Variants in TICRR observed in about 807,000 individuals in gnomAD.
The protein encoded by TICRR is treslin.
In TICRR, 132 loss-of-function variants were observed where a neutral mutation model predicts 178.1. That is an observed-to-expected ratio of 0.74 (90% CI 0.64 to 0.86). The LOEUF (loss-of-function observed/expected upper bound fraction) is 0.86, where lower values mean the gene tolerates loss of function less well. Ranked by LOEUF, TICRR falls within the 40% of genes least tolerant of loss-of-function variation. The pLI is 0.00. For synonymous variants in TICRR, 991 were observed against 900.7 expected (o/e 1.10, Z -1.79); for missense variants, 2,587 against 2,334.3 (o/e 1.11, Z -2.23).
chr15:89,585,883 A>G lies in TICRR; in HGVS notation c.1352A>G (p.Asp451Gly). ...CGGGACACAGCTTCCCTTTTCTCAG[A>G]TGTTGTGGATAGTATATTGAATCAG... Reference protein sequence around the residue: ...SPRDTASLFSDVVDSILNQTH... With the variant: ...SPRDTASLFSGVVDSILNQTH... Residue 451 changes from aspartate (D) to glycine (G), a missense_variant, in exon 4 of 22, where the codon GAT becomes GGT. Asp to Gly is a moderately conservative substitution (Grantham distance 94). Coordinates refer to ENST00000268138, the MANE Select transcript of TICRR (RefSeq NM_152259.4). 6.2e-7 allele frequency: 1 copy of G among 1,614,036 alleles called. No individual in the cohort carries two copies. The highest frequency in any genetic ancestry group is 1.6e-4 in the Middle Eastern group (1 of 6,062).
intron 3 of TICRR, 42 bp from the exon 4 acceptor site, chr15:89,585,666 A>G (rs1432288063): frequency 7.3e-7 from 1 of 1,360,944 alleles, no homozygotes. Context: ...CTTTAGGCAT[A>G]TTGACAATAA....
At chr15:89,626,832 C>A in intron 21 of TICRR, 124 bp from the exon 22 acceptor site, 2 of 1,064,136 alleles carry the variant, frequency 1.9e-6, no homozygotes, top group Non-Finnish European at 2.7e-6. Flanking sequence ...GATAAGCGAA[C>A]CTCCAAGCAG....
rs1002363966 is a variant in TICRR at position 89,601,335 on chromosome 15, C to G, written c.2191C>G (p.Leu731Val). The stretch of plus-strand genomic sequence containing the variant: ...GGTATTTCTTCGTTTGGAGATGTGT[C>G]TGCAATGCCCTTCAATAAATGAAAG... Reference protein sequence around the residue: ...LQVFLRLEMCLQCPSINESTD... With the variant: ...LQVFLRLEMCVQCPSINESTD... The change falls in exon 10 of 22, where the codon CTG (leucine) becomes GTG (valine). Residue 731 changes from leucine (L) to valine (V), a missense_variant. Transcript: ENST00000268138. 1 of 1,614,094 alleles carries G rather than the reference C, an allele frequency of 6.2e-7. No homozygotes were observed.
At chr15:89,580,733 G>C (rs1027356818) in intron 1 of TICRR, among the ~76,000 whole-genome samples, 7 of 152,098 alleles carry the variant, frequency 4.6e-5, no homozygotes, top group Admixed American at 4.6e-4. Context: ...GTCATGATCC[G>C]AATTTTAAAA....
At chr15:89,616,585 A>G (rs1408647588) in intron 16 of TICRR, 90 bp downstream of exon 16, 29 of 972,012 alleles carry the variant, frequency 3.0e-5, no homozygotes, top group South Asian at 4.3e-5. Flanking sequence ...CTTGACCTTC[A>G]TGACTTAAAT....
chr15:89,599,504 C>A, intron 8 of TICRR, 29 bp downstream of exon 8: 1 of 1,599,104 alleles, frequency 6.3e-7, no homozygotes, highest in South Asian at 1.1e-5. Context: ...TGTTGTTTGT[C>A]ATGGATGTAG....
rs766337554 is a variant in TICRR, at chr15:89,624,972, C to T, written c.4662C>T (p.Ala1554=). ...CAGCTTGGCATTCCACAGACTCTGC[C>T]AGCCCACAGACCTATGAGGTTGAGC... ...PASAWHSTDS[A]SPQTYEVELE... Residue 1554 remains alanine (A), a synonymous_variant, in exon 20 of 22, where the codon GCC becomes GCT. Transcript: ENST00000268138. 1.9e-6 allele frequency: 3 copies of T among 1,614,112 alleles called. No homozygotes were observed. The highest frequency in any genetic ancestry group is 2.5e-6 in the Non-Finnish European group (3 of 1,180,034).
At chr15:89,606,994 A>C (rs1214347972) in intron 14 of TICRR, among the ~76,000 whole-genome samples, 169 bp downstream of exon 14, 3 of 152,178 alleles carry the variant, frequency 2.0e-5, no homozygotes, top group Non-Finnish European at 4.4e-5. Context: ...TAGTCTCAAA[A>C]TATTGTATTT....
intron 7 of TICRR, among the ~76,000 whole-genome samples, chr15:89,596,196 T>A (rs1398391301): frequency 6.6e-6 from 1 of 152,238 alleles, no homozygotes; most frequent in African/African-American, 2.4e-5. Context: ...TAAATGATGC[T>A]GGAACAACTA....
chr15:89,617,928 G>C, intron 16 of TICRR: 1 of 524,908 alleles, frequency 1.9e-6, no homozygotes, highest in Non-Finnish European at 3.4e-6. Context: ...CTGACCTCAA[G>C]TGATCCGCCC....
In TICRR at chr15:89,623,668, ACAC is replaced by A; in HGVS notation, c.3361_3363del (p.Pro1121del). 6.2e-7 allele frequency: 1 copy of A among 1,611,862 alleles called. No individual in the cohort carries two copies. The highest frequency in any genetic ancestry group is 8.5e-7 in the Non-Finnish European group (1 of 1,179,402). ...GAAATCTCTGAGCTTTTCTAAAACT[ACAC>A]CAAGAAGGATCTCTCATACACCACA... On this transcript the variant is annotated inframe_deletion, in exon 20 of 22. Coordinates refer to ENST00000268138, the MANE Select transcript of TICRR (RefSeq NM_152259.4).
chr15:89,624,985 T>TGCCAGCCCACAGTCCAC lies in TICRR; in HGVS notation c.4675_4676insGCCAGCCCACAGTCCAC (p.Tyr1559CysfsTer26). ...CACAGACTCTGCCAGCCCACAGACC[T>TGCCAGCCCACAGTCCAC]ATGAGGTTGAGCTGGAGATGCAAGC... On this transcript the variant is annotated frameshift_variant, in exon 20 of 22. Coordinates refer to ENST00000268138, the MANE Select transcript of TICRR (RefSeq NM_152259.4). LOFTEE classifies it high-confidence loss of function. 6.2e-7 allele frequency: 1 copy of TGCCAGCCCACAGTCCAC among 1,614,064 alleles called. No homozygotes were observed. Among genetic ancestry groups the TGCCAGCCCACAGTCCAC allele is most frequent in the Non-Finnish European group, 8.5e-7 (1 of 1,180,014 alleles).
At chr15:89,581,862 A>G (rs1479061590) in intron 1 of TICRR, among the ~76,000 whole-genome samples, 2 of 152,160 alleles carry the variant, frequency 1.3e-5, no homozygotes, top group East Asian at 1.9e-4. Context: ...TTTACAGGCT[A>G]TGGTAACAGT....
At chr15:89,581,381 G>A (rs1962722669) in intron 1 of TICRR, among the ~76,000 whole-genome samples, 1 of 152,066 alleles carries the variant, frequency 6.6e-6, no homozygotes, top group African/African-American at 2.4e-5. Flanking sequence ...GCCCCACTTC[G>A]AGATCCTAGA....
chr15:89,601,277 C>T (rs1567045500), intron 9 of TICRR, 21 bp from the exon 10 acceptor site: 2 of 1,608,832 alleles, frequency 1.2e-6, no homozygotes, highest in East Asian at 2.2e-5. Context: ...TAGATATGAC[C>T]AAGTATTTTT....
At chr15:89,618,236 A>G in intron 17 of TICRR, 26 bp downstream of exon 17, 1 of 1,604,700 alleles carries the variant, frequency 6.2e-7, no homozygotes, top group Non-Finnish European at 8.5e-7. Context: ...TTTTGTTTTT[A>G]ATGCAATCTA....
At chr15:89,616,172 A>G (rs1963332534) in intron 15 of TICRR, among the ~76,000 whole-genome samples, 1 of 152,140 alleles carries the variant, frequency 6.6e-6, no homozygotes, top group Non-Finnish European at 1.5e-5. Flanking sequence ...GGCATGAGCC[A>G]TTGTGCCCAG....
rs1000843512 is a variant in TICRR at position 89,618,186 on chromosome 15, GAA to G, written c.2996_2997del (p.Glu999GlyfsTer4). 1 of 1,614,052 alleles carries G rather than the reference GAA, an allele frequency of 6.2e-7. No individual in the cohort carries two copies. The highest frequency in any genetic ancestry group is 1.3e-5 in the African/African-American group (1 of 74,914). On this transcript the variant is annotated frameshift_variant, in exon 17 of 22. Transcript: ENST00000268138. LOFTEE classifies it high-confidence loss of function. ...SDPGPDIGVV[E>X]ESPEKGDEIS... ...TCCTGGTCCTGATATTGGTGTTGTT[GAA>G]GAGTCCCCTGAAAAAGGAGATGGTG... is the stretch of plus-strand genomic sequence containing the variant.
rs1963551546 is a variant in TICRR, at chr15:89,627,344, C to A, written c.*258C>A. 2.3e-6 allele frequency: 1 copy of A among 433,988 alleles called. No homozygotes were observed. The highest frequency in any genetic ancestry group is 4.6e-5 in the South Asian group (1 of 21,936). 26.9% of individuals were successfully genotyped at this position (433,988 alleles called of 1,614,324 possible). ...CTCAGGCAGCCTGGGAGTCAGGAAC[C>A]CAGACAAGGAATCCCATTCCAGCCT... On this transcript the variant is annotated 3_prime_UTR_variant, in exon 22 of 22. Transcript: ENST00000268138.
Sources: gnomAD v4.1 joint callset for allele counts (sites outside exome capture counted in the v4.1 genomes callset) on GRCh38, gnomAD v4.1.1 for gene constraint, MANE v1.5 for transcripts, NCBI Gene and HGNC (gene_info 2026-07-23, HGNC 2026-07-21) for gene names.